Variants in MDGA2 observed in about 807,000 individuals in gnomAD.
MDGA2 encodes MAM domain-containing glycosylphosphatidylinositol anchor protein 2.
In MDGA2, 40 loss-of-function variants were observed where a neutral mutation model predicts 117.8. The ratio of observed to expected loss-of-function variants is 0.34; its 90% CI spans 0.26 to 0.44. The LOEUF (loss-of-function observed/expected upper bound fraction) is 0.44. MDGA2 is among the 20% of genes least tolerant of loss of function. The pLI, the probability that MDGA2 is intolerant of heterozygous loss-of-function variation, is 1.00. For synonymous variants in MDGA2, 452 were observed against 439.0 expected (o/e 1.03, Z -0.37); for missense variants, 1,123 against 1,250.6 (o/e 0.90, Z 1.54).
At position 47,122,410 on chromosome 14, in the gene MDGA2, GT is replaced by G. The variant is rs1017392874; in HGVS notation, c.925+9303del. Among the ~76,000 whole-genome samples the G allele has an allele frequency of 1.4e-4, 22 of 151,990 alleles. 1 individual carries two copies. Among genetic ancestry groups the G allele is most frequent in the Admixed American group, 1.3e-3 (20 of 15,250 alleles). The stretch of plus-strand genomic sequence containing the variant: ...TTTTCATTGAGTGACCAATTGTTTT[GT>G]TTTGGGGGGACTATTGGGTTTCCCA... On this transcript the variant is annotated intron_variant, in intron 5 of 16. Transcript: ENST00000399232.
Position 47,200,689 on chromosome 14 carries a change from G to C in MDGA2, c.595+17332C>G, listed in dbSNP as rs1049450426. The C allele has an allele frequency of 3.0e-6, 3 of 1,000,782 alleles. No homozygotes were observed. The South Asian group carries it at 4.0e-5, about 13-fold the overall frequency. 62.0% of individuals were successfully genotyped at this position (1,000,782 alleles called of 1,614,324 possible). A position where few individuals can be genotyped will look rare whatever the true frequency, so the allele number is the denominator to read the frequency against. On this transcript the variant is annotated intron_variant, in intron 3 of 16. Transcript: ENST00000399232. ...AGAGCTGTTTCTTCTTCCAGTACTG[G>C]ATCTTGGCCTTCTCCTTCCTCTTCT...
intron 7 of MDGA2, among the ~76,000 whole-genome samples, chr14:47,050,851 G>A (rs913443037): frequency 3.3e-5 from 5 of 151,906 alleles, no homozygotes; most frequent in East Asian, 1.9e-4. Flanking sequence ...TTTTGGGAGC[G>A]GGATATGGGA....
chr14:46,866,040 A>G (rs1456396268), intron 14 of MDGA2, among the ~76,000 whole-genome samples: 24 of 151,342 alleles, frequency 1.6e-4, no homozygotes, highest in Admixed American at 6.6e-5. Flanking sequence ...GGAAAAAACT[A>G]CTTTAAAGTT....
At chr14:46,921,227 T>G (rs186927811) in intron 9 of MDGA2, among the ~76,000 whole-genome samples, 12 of 152,296 alleles carry the variant, frequency 7.9e-5, no homozygotes, top group Admixed American at 3.9e-4. Flanking sequence ...AGACTTTTCA[T>G]GTAGCTTCGC....
intron 1 of MDGA2, among the ~76,000 whole-genome samples, chr14:47,527,260 T>G (rs1894991782): frequency 6.6e-6 from 1 of 152,156 alleles, no homozygotes; most frequent in African/African-American, 2.4e-5. Context: ...CATTGTAAAA[T>G]AAATCAGAAA....
chr14:47,487,503 C>A (rs1208380652), intron 1 of MDGA2, among the ~76,000 whole-genome samples: 2 of 152,134 alleles, frequency 1.3e-5, no homozygotes, highest in East Asian at 3.8e-4. Flanking sequence ...AGAAGACTCA[C>A]AGAAAATGAA....
intron 5 of MDGA2, among the ~76,000 whole-genome samples, chr14:47,101,299 G>A (rs1477980520): frequency 6.6e-6 from 1 of 152,000 alleles, no homozygotes; most frequent in Non-Finnish European, 1.5e-5. Flanking sequence ...CTGCAACATA[G>A]AAAGTATATT....
intron 3 of MDGA2, among the ~76,000 whole-genome samples, chr14:47,155,742 AAAAC>A (rs1883342366): frequency 6.6e-6 from 1 of 152,256 alleles, no homozygotes; most frequent in South Asian, 2.1e-4. Context: ...CCGAGAGGGC[AAAAC>A]AAACCCAGTG....
chr14:47,279,513 C>A (rs956038142), intron 2 of MDGA2, among the ~76,000 whole-genome samples: 1 of 152,040 alleles, frequency 6.6e-6, no homozygotes, highest in African/African-American at 2.4e-5. Flanking sequence ...TCCAGTTTGA[C>A]ATTTGCCTTT....
At chr14:47,384,919 G>C (rs1891723835) in intron 1 of MDGA2, among the ~76,000 whole-genome samples, 1 of 152,140 alleles carries the variant, frequency 6.6e-6, no homozygotes, top group African/African-American at 2.4e-5. Context: ...ACCATACAAC[G>C]AATACTTCTG....
chr14:47,251,434 C>G (rs1220275833), intron 2 of MDGA2, among the ~76,000 whole-genome samples: 2 of 152,068 alleles, frequency 1.3e-5, no homozygotes, highest in African/African-American at 2.4e-5. Flanking sequence ...TTAGAACAGT[C>G]CTATTACAGT....
At chr14:46,849,507 T>A (rs1326664715) in intron 15 of MDGA2, among the ~76,000 whole-genome samples, 2 of 151,890 alleles carry the variant, frequency 1.3e-5, no homozygotes, top group East Asian at 1.9e-4. Context: ...ATGTTTTACT[T>A]GACATGGTTT....
chr14:47,550,015 A>C (rs1030914614), intron 1 of MDGA2, among the ~76,000 whole-genome samples: 3 of 152,168 alleles, frequency 2.0e-5, no homozygotes, highest in African/African-American at 7.2e-5. Flanking sequence ...TCTCCTTCTC[A>C]ACTCCTAAGC....
chr14:47,575,006 G>A (rs1448281776), intron 1 of MDGA2, among the ~76,000 whole-genome samples: 2 of 152,096 alleles, frequency 1.3e-5, no homozygotes, highest in East Asian at 3.9e-4. Context: ...AGTGTACATA[G>A]GTCTGTGTGT....
At chr14:47,383,175 T>C (rs1349053691) in intron 1 of MDGA2, among the ~76,000 whole-genome samples, 3 of 152,034 alleles carry the variant, frequency 2.0e-5, no homozygotes, top group Non-Finnish European at 4.4e-5. Context: ...GGACACAGGA[T>C]GGGGATTATC....
intron 1 of MDGA2, among the ~76,000 whole-genome samples, chr14:47,389,845 T>A (rs1032813983): frequency 6.6e-6 from 1 of 152,152 alleles, no homozygotes; most frequent in Non-Finnish European, 1.5e-5. Flanking sequence ...CTTAAATACA[T>A]ACAAACAACA....
intron 1 of MDGA2, among the ~76,000 whole-genome samples, chr14:47,539,622 G>A (rs1319982872): frequency 2.0e-5 from 3 of 152,178 alleles, no homozygotes; most frequent in Non-Finnish European, 4.4e-5. Flanking sequence ...ATCGATCACA[G>A]TGAACTATAC....
intron 1 of MDGA2, among the ~76,000 whole-genome samples, chr14:47,350,056 G>C (rs1237163358): frequency 6.6e-6 from 1 of 152,200 alleles, no homozygotes; most frequent in African/African-American, 2.4e-5. Context: ...GACTGACTGT[G>C]TCCATTTAGA....
intron 1 of MDGA2, among the ~76,000 whole-genome samples, chr14:47,313,871 T>C (rs1889719554): frequency 6.6e-6 from 1 of 152,086 alleles, no homozygotes; most frequent in African/African-American, 2.4e-5. Flanking sequence ...TTGGTCCATC[T>C]CTAAAAAAAT....
Sources: gnomAD v4.1 joint callset for allele counts (sites outside exome capture counted in the v4.1 genomes callset) on GRCh38, gnomAD v4.1.1 for gene constraint, MANE v1.5 for transcripts, NCBI Gene and HGNC (gene_info 2026-07-23, HGNC 2026-07-21) for gene names.